Variants in KCNH1 observed in about 807,000 individuals in gnomAD.
The protein encoded by KCNH1 is potassium voltage-gated channel subfamily H member 1.
KCNH1 carries 27 observed loss-of-function variants against 69.2 expected under a neutral mutation model. That is an observed-to-expected ratio of 0.39 (90% CI 0.29 to 0.54). KCNH1 has a LOEUF of 0.54. Ranked by LOEUF, KCNH1 falls within the 20% of genes least tolerant of loss-of-function variation. The pLI is 0.68. For synonymous variants in KCNH1, 456 were observed against 487.7 expected (o/e 0.93, Z 0.86); for missense variants, 798 against 1,261.6 (o/e 0.63, Z 5.57).
At chr1:210,844,622 G>C (rs1397351609) in intron 7 of KCNH1, among the ~76,000 whole-genome samples, 3 of 152,144 alleles carry the variant, frequency 2.0e-5, no homozygotes, top group Admixed American at 1.3e-4. Context: ...ACAGGAGAAA[G>C]CAGGAAAGAT....
chr1:210,866,910 C>G (rs974450283), intron 7 of KCNH1, among the ~76,000 whole-genome samples: 1 of 145,924 alleles, frequency 6.9e-6, no homozygotes, highest in Non-Finnish European at 1.6e-5. Flanking sequence ...TATAGCCATA[C>G]AATAAATTAT....
chr1:210,962,034 C>T (rs918900660), intron 6 of KCNH1, among the ~76,000 whole-genome samples: 37 of 152,206 alleles, frequency 2.4e-4, no homozygotes, highest in African/African-American at 8.9e-4. Flanking sequence ...CACAGGCCTG[C>T]TATGATCACT....
At position 210,889,728 on chromosome 1, in the gene KCNH1, T is replaced by G. The variant is rs193132576; in HGVS notation, c.1462+29912A>C. 3.1e-3 allele frequency among the ~76,000 whole-genome samples: 471 copies of G among 152,288 alleles called. 5 individuals carry two copies. The highest frequency in any genetic ancestry group is 0.011 in the African/African-American group (454 of 41,560). ...AAAGTCTCAGGATACAAAATCAATGTGCAAAAATCACAAGCATTATTGTAC... is the reference window on the plus strand; with the variant it reads ...AAAGTCTCAGGATACAAAATCAATGGGCAAAAATCACAAGCATTATTGTAC... On this transcript the variant is annotated intron_variant, in intron 7 of 10. Coordinates refer to ENST00000271751, the MANE Select transcript of KCNH1 (RefSeq NM_172362.3).
intron 9 of KCNH1, among the ~76,000 whole-genome samples, chr1:210,777,866 T>C (rs1683892735): frequency 6.6e-6 from 1 of 152,254 alleles, no homozygotes; most frequent in Admixed American, 6.5e-5. Flanking sequence ...AGTCACTGAC[T>C]GGCCTCAACC....
chr1:211,091,415 C>T (rs1488284325), intron 3 of KCNH1, among the ~76,000 whole-genome samples: 8 of 152,078 alleles, frequency 5.3e-5, no homozygotes, highest in Non-Finnish European at 1.0e-4. Flanking sequence ...GATCCACCCA[C>T]CTTGGCCTCC....
rs535847006 is a variant in KCNH1, at chr1:210,998,037, G to A, written c.1032+20746C>T. Among the ~76,000 whole-genome samples, 98 of 152,208 alleles carry A rather than the reference G, an allele frequency of 6.4e-4. 1 individual carries two copies. The highest frequency in any genetic ancestry group is 2.0e-3 in the Admixed American group (31 of 15,282). On this transcript the variant is annotated intron_variant, in intron 6 of 10. Transcript: ENST00000271751. ...GCACTAAACATGGAAAGGAACAACC[G>A]GTACCAGCCACTGCAAAAACATGCC...
intron 7 of KCNH1, among the ~76,000 whole-genome samples, chr1:210,851,763 G>T (rs1344202584): frequency 6.6e-6 from 1 of 152,196 alleles, no homozygotes; most frequent in Non-Finnish European, 1.5e-5. Flanking sequence ...ATAATAACAC[G>T]ATGGTAAGTA....
chr1:210,731,316 A>G (rs1682742528), intron 10 of KCNH1, among the ~76,000 whole-genome samples: 1 of 152,196 alleles, frequency 6.6e-6, no homozygotes, highest in Non-Finnish European at 1.5e-5. Flanking sequence ...AGAGAAGTTA[A>G]AAAATTGGCC....
At chr1:210,803,875 C>T in intron 8 of KCNH1, 92 bp downstream of exon 8, 1 of 1,111,566 alleles carries the variant, frequency 9.0e-7, no homozygotes, top group Non-Finnish European at 1.3e-6. Flanking sequence ...CTGAGCACAG[C>T]CAGGTTTGAC....
intron 7 of KCNH1, among the ~76,000 whole-genome samples, chr1:210,825,943 G>T (rs191086412): frequency 6.6e-6 from 1 of 152,102 alleles, no homozygotes; most frequent in African/African-American, 2.4e-5. Flanking sequence ...AATCACTTGG[G>T]TGTACAATTC....
chr1:210,736,376 C>A (rs1423929419), intron 10 of KCNH1, among the ~76,000 whole-genome samples: 2 of 152,014 alleles, frequency 1.3e-5, no homozygotes, highest in African/African-American at 4.8e-5. Context: ...AGGAGAAACC[C>A]CATCTCTACT....
chr1:210,900,505 G>C (rs1453315262), intron 7 of KCNH1, among the ~76,000 whole-genome samples: 1 of 152,204 alleles, frequency 6.6e-6, no homozygotes, highest in Non-Finnish European at 1.5e-5. Context: ...GGCTGTGGGA[G>C]GTGTGAAGCA....
intron 9 of KCNH1, among the ~76,000 whole-genome samples, chr1:210,783,535 G>A (rs1429799186): frequency 6.6e-6 from 1 of 152,208 alleles, no homozygotes; most frequent in Non-Finnish European, 1.5e-5. Flanking sequence ...GGGGAGGTGT[G>A]TAGAAGGGAT....
At chr1:210,883,150 C>A (rs954113643) in intron 7 of KCNH1, among the ~76,000 whole-genome samples, 1 of 152,108 alleles carries the variant, frequency 6.6e-6, no homozygotes, top group African/African-American at 2.4e-5. Flanking sequence ...AGAAAAACTT[C>A]CAATCCAGAG....
chr1:210,797,446 A>T, intron 9 of KCNH1, 62 bp downstream of exon 9: 1 of 1,576,690 alleles, frequency 6.3e-7, no homozygotes, highest in Admixed American at 1.7e-5. Flanking sequence ...AGTGGCATTG[A>T]GCTGCCCAGA....
At chr1:210,915,383 G>A (rs978642319) in intron 7 of KCNH1, among the ~76,000 whole-genome samples, 3 of 152,144 alleles carry the variant, frequency 2.0e-5, no homozygotes, top group African/African-American at 7.2e-5. Flanking sequence ...CTGTTGAATG[G>A]GGGACATCCT....
chr1:210,731,726 C>T (rs568381659), intron 10 of KCNH1, among the ~76,000 whole-genome samples: 25 of 152,232 alleles, frequency 1.6e-4, no homozygotes, highest in African/African-American at 4.1e-4. Flanking sequence ...GGGGAGTCTC[C>T]GATAGAGTTC....
chr1:210,867,572 C>T (rs1270076062), intron 7 of KCNH1, among the ~76,000 whole-genome samples: 1 of 151,900 alleles, frequency 6.6e-6, no homozygotes, highest in Non-Finnish European at 1.5e-5. Flanking sequence ...CATTTCAGTT[C>T]ATAGTTTGAT....
intron 6 of KCNH1, among the ~76,000 whole-genome samples, chr1:210,983,575 T>C (rs1339015829): frequency 1.3e-5 from 2 of 152,254 alleles, no homozygotes; most frequent in Admixed American, 6.5e-5. Context: ...AAAGATCAGA[T>C]AGTTGCAGAC....
Sources: gnomAD v4.1 joint callset for allele counts (sites outside exome capture counted in the v4.1 genomes callset) on GRCh38, gnomAD v4.1.1 for gene constraint, MANE v1.5 for transcripts, NCBI Gene and HGNC (gene_info 2026-07-23, HGNC 2026-07-21) for gene names.